The following MYOM1 variants were observed in gnomAD, a reference collection of about 807,000 sequenced individuals.
MYOM1 encodes myomesin-1.
MYOM1 carries 164 observed loss-of-function variants against 205.3 expected under a neutral mutation model. That is an observed-to-expected ratio of 0.80 (90% confidence interval 0.70 to 0.91). The LOEUF (loss-of-function observed/expected upper bound fraction) is 0.91. Among genes scored for constraint, MYOM1 ranks in the 40% least tolerant of loss-of-function variants. MYOM1 has a pLI of 0.00. For missense variants in MYOM1, 2,011 were observed against 2,127.3 expected, an observed-to-expected ratio of 0.95 and a Z score of 1.08; for synonymous variants, 772 against 789.4, an observed-to-expected ratio of 0.98 and a Z score of 0.37.
Position 3,094,152 on chromosome 18 carries a change from A to C in MYOM1, c.3864+18T>G. The C allele has an allele frequency of 1.2e-6, 2 of 1,612,790 alleles. No individual in the cohort carries two copies. Reference sequence around the variant, plus strand: ...TCTACAATGATACATTAAAAAGTCTAAACAGTGTAAAACCTACCGGGCCTT... The same window carrying C: ...TCTACAATGATACATTAAAAAGTCTCAACAGTGTAAAACCTACCGGGCCTT... On this transcript the variant is annotated intron_variant, in intron 26 of 37. Transcript: ENST00000356443.
intron 10 of MYOM1, among the ~76,000 whole-genome samples, chr18:3,161,748 A>G (rs2080393904): frequency 6.6e-6 from 1 of 152,240 alleles, no homozygotes; most frequent in African/African-American, 2.4e-5. Flanking sequence ...CCACTGGAAG[A>G]CCTATAAGCT....
At chr18:3,108,546 G>A (rs2079481040) in intron 22 of MYOM1, among the ~76,000 whole-genome samples, 3 of 140,588 alleles carry the variant, frequency 2.1e-5, no homozygotes, top group African/African-American at 7.9e-5. Context: ...AGCAATGACA[G>A]CATTTTTTTT....
intron 22 of MYOM1, among the ~76,000 whole-genome samples, chr18:3,107,529 T>A (rs952613832): frequency 8.5e-5 from 13 of 152,228 alleles, no homozygotes; most frequent in African/African-American, 3.1e-4. Context: ...CACAAATGTC[T>A]TATATTTCCC....
chr18:3,072,506 A>G (rs1312542068), intron 36 of MYOM1, among the ~76,000 whole-genome samples: 1 of 151,646 alleles, frequency 6.6e-6, no homozygotes, highest in South Asian at 2.1e-4. Flanking sequence ...GGCCTGTACC[A>G]CCACGCCTGG....
intron 12 of MYOM1, among the ~76,000 whole-genome samples, chr18:3,150,979 C>CT (rs1164882266): frequency 0.054 from 2,971 of 55,514 alleles, 150 homozygotes; most frequent in African/African-American, 0.14. Flanking sequence ...CCATGCCTGG[C>CT]TTTTTTTTTT....
upstream of MYOM1, among the ~76,000 whole-genome samples, chr18:3,223,027 C>A (rs2081338329): frequency 6.6e-6 from 1 of 152,106 alleles, no homozygotes; most frequent in Admixed American, 6.6e-5. Flanking sequence ...GGACTACAGG[C>A]ACATGCCACA....
the MYOM1 span, among the ~76,000 whole-genome samples, chr18:3,239,176 A>C: frequency 2.6e-5 from 4 of 152,326 alleles, no homozygotes; most frequent in East Asian, 7.7e-4. Flanking sequence ...AACAGAGAGA[A>C]CTTGATGATG....
intron 2 of MYOM1, among the ~76,000 whole-genome samples, chr18:3,208,419 G>T (rs1490514948): frequency 6.6e-6 from 1 of 152,166 alleles, no homozygotes; most frequent in Non-Finnish European, 1.5e-5. Context: ...GGGCTGAGAG[G>T]ACTGAGCCAA....
chr18:3,137,058 C>T (rs1209530381), intron 14 of MYOM1, among the ~76,000 whole-genome samples: 1 of 151,764 alleles, frequency 6.6e-6, no homozygotes, highest in Non-Finnish European at 1.5e-5. Context: ...TCACGCCATT[C>T]TCCTGCCTCA....
intron 36 of MYOM1, among the ~76,000 whole-genome samples, chr18:3,074,403 C>T (rs2143637729): frequency 6.6e-6 from 1 of 152,292 alleles, no homozygotes; most frequent in Non-Finnish European, 1.5e-5. Flanking sequence ...CCTTCTTGCT[C>T]CTTCTCCCTG....
intron 21 of MYOM1, 139 bp downstream of exon 21, chr18:3,116,192 T>C: frequency 1.2e-6 from 1 of 860,998 alleles, no homozygotes; most frequent in Non-Finnish European, 1.7e-6. Flanking sequence ...AGCCCCAACC[T>C]CTGCCAGTGG....
At chr18:3,226,164 A>C in the MYOM1 span, among the ~76,000 whole-genome samples, 3 of 152,200 alleles carry the variant, frequency 2.0e-5, no homozygotes, top group African/African-American at 7.2e-5. The surrounding 1 kb of genome is among the most constrained non-coding windows in gnomAD (Gnocchi z 4.6). Flanking sequence ...TGAAGACCTA[A>C]GGAACATTGT....
At chr18:3,243,462 G>A in the MYOM1 span, among the ~76,000 whole-genome samples, 7,514 of 152,142 alleles carry the variant, frequency 0.049, 580 homozygotes, top group African/African-American at 0.17. Context: ...TTTGGGTAAC[G>A]AAATTTTCCT....
At chr18:3,084,314 T>C (rs2143685190) in intron 31 of MYOM1, among the ~76,000 whole-genome samples, 1 of 152,324 alleles carries the variant, frequency 6.6e-6, no homozygotes, top group South Asian at 2.1e-4. Flanking sequence ...GGAAGGTTCT[T>C]GGCTTTGGGA....
chr18:3,126,389 A>G (rs2079783443), intron 19 of MYOM1, among the ~76,000 whole-genome samples: 1 of 150,438 alleles, frequency 6.6e-6, no homozygotes. Flanking sequence ...GGCTAGTGGC[A>G]TATTAATTGT....
At chr18:3,200,498 A>G (rs953795153) in intron 2 of MYOM1, among the ~76,000 whole-genome samples, 2 of 152,218 alleles carry the variant, frequency 1.3e-5, no homozygotes, top group African/African-American at 4.8e-5. Context: ...GGAATGTATT[A>G]CAACAGTGAC....
At chr18:3,151,473 T>TAAATAAAATAAAATAAAATAAAATA in intron 12 of MYOM1, among the ~76,000 whole-genome samples, 1 of 143,928 alleles carries the variant, frequency 6.9e-6, no homozygotes, top group Non-Finnish European at 1.5e-5. Context: ...TAAAATAAAA[T>TAAATAAAATAAAATAAAATAAAATA]AAATAAAATA....
intron 33 of MYOM1, among the ~76,000 whole-genome samples, chr18:3,083,114 G>A (rs1237846811): frequency 1.3e-5 from 2 of 152,200 alleles, no homozygotes; most frequent in Non-Finnish European, 2.9e-5. Context: ...AGCAGAGAGA[G>A]CCCAAGCATG....
intron 34 of MYOM1, among the ~76,000 whole-genome samples, chr18:3,077,589 G>C (rs531274731): frequency 3.9e-4 from 60 of 152,130 alleles, no homozygotes; most frequent in Non-Finnish European, 7.5e-4. Context: ...GGGAATGGCC[G>C]AGCCAATCTG....
Sources: gnomAD v4.1 joint callset for allele counts (sites outside exome capture counted in the v4.1 genomes callset) on GRCh38, gnomAD v4.1.1 for gene constraint, Gnocchi (gnomAD v3.1) non-coding constraint, MANE v1.5 for transcripts, NCBI Gene and HGNC (gene_info 2026-07-23, HGNC 2026-07-21) for gene names.